EPHA10: variants seen among roughly 807,000 people sequenced by gnomAD.
EPHA10 encodes ephrin type-A receptor 10.
EPHA10 carries 120 observed loss-of-function variants against 109.7 expected under a neutral mutation model. The ratio of observed to expected loss-of-function variants is 1.09; its 90% CI spans 0.94 to 1.27. The LOEUF (loss-of-function observed/expected upper bound fraction) is 1.27, where lower values mean the gene tolerates loss of function less well. Ranked by LOEUF, EPHA10 falls within the 50% of genes most tolerant of loss-of-function variation. EPHA10 has a pLI of 0.00. For missense variants in EPHA10, 1,396 were observed against 1,411.1 expected, an observed-to-expected ratio of 0.99 and a Z score of 0.17; for synonymous variants, 640 against 618.9, an observed-to-expected ratio of 1.03 and a Z score of -0.51.
rs140874266 is a variant in EPHA10, at chr1:37,764,436, C to T, written c.106+525G>A. 6.6e-6 allele frequency among the ~76,000 whole-genome samples: 1 copy of T among 152,362 alleles called. No individual in the cohort carries two copies. Among genetic ancestry groups the T allele is most frequent in the African/African-American group, 2.4e-5 (1 of 41,596 alleles). ...CTCAAACCCGGCAACGCGGAGCGCG[C>T]CCGGCAGACTACGCTCAGAATTCAG... On this transcript the variant is annotated intron_variant, in intron 1 of 16. Coordinates refer to ENST00000373048, the MANE Select transcript of EPHA10 (RefSeq NM_001099439.2). The surrounding 1 kb of genome is among the most constrained non-coding windows in gnomAD (Gnocchi z 5.8).
chr1:37,743,794 T>C (rs1050150066), intron 5 of EPHA10, among the ~76,000 whole-genome samples: 1 of 152,194 alleles, frequency 6.6e-6, no homozygotes, highest in African/African-American at 2.4e-5. Flanking sequence ...GCAGGCTAGG[T>C]GCATTAAATG....
In EPHA10 at chr1:37,718,291, A is replaced by G; in HGVS notation, c.*81T>C. ...AGAGCGCTCCCTCCCACACTGCTGG[A>G]GCGCAGCTTGCCACGGTCCTTGGGC... is the stretch of plus-strand genomic sequence containing the variant. On this transcript the variant is annotated 3_prime_UTR_variant, in exon 17 of 17. Coordinates refer to ENST00000373048, the MANE Select transcript of EPHA10 (RefSeq NM_001099439.2). The G allele has an allele frequency of 8.2e-7, 1 of 1,223,820 alleles. No individual in the cohort carries two copies. Among genetic ancestry groups the G allele is most frequent in the Non-Finnish European group, 1.2e-6 (1 of 861,550 alleles). 75.8% of individuals were successfully genotyped at this position (1,223,820 alleles called of 1,614,324 possible).
intron 6 of EPHA10, among the ~76,000 whole-genome samples, chr1:37,733,601 C>T (rs1262557140): frequency 1.3e-5 from 2 of 152,146 alleles, no homozygotes; most frequent in Non-Finnish European, 2.9e-5. Flanking sequence ...TGTCTATACC[C>T]TGATCCTCAA....
intron 3 of EPHA10, chr1:37,760,315 A>G (rs1168933270): frequency 9.6e-7 from 1 of 1,042,774 alleles, no homozygotes. Context: ...AAGTACACAC[A>G]TTAATAACCC....
intron 5 of EPHA10, among the ~76,000 whole-genome samples, chr1:37,743,254 G>A (rs969375507): frequency 6.6e-6 from 1 of 152,046 alleles, no homozygotes; most frequent in Admixed American, 6.6e-5. Flanking sequence ...ATCTTGAAAA[G>A]TGATTTAATA....
intron 15 of EPHA10, 145 bp downstream of exon 15, chr1:37,719,269 G>T: frequency 1.1e-6 from 1 of 942,206 alleles, no homozygotes; most frequent in Non-Finnish European, 1.6e-6. Flanking sequence ...TGGGCAGGCA[G>T]GCAGGCTACA....
rs374674874 is a variant in EPHA10 at position 37,749,604 on chromosome 1, C to T, written c.1357+3272G>A. On this transcript the variant is annotated intron_variant, in intron 5 of 16. Coordinates refer to ENST00000373048, the MANE Select transcript of EPHA10 (RefSeq NM_001099439.2). The stretch of plus-strand genomic sequence containing the variant: ...AGGAGAGTCGCTTCAACCCAGGAGG[C>T]GGAGGTTGCAGTGAGCCAAGACTGA... Among the ~76,000 whole-genome samples the T allele has an allele frequency of 2.7e-4, 41 of 150,804 alleles. No individual in the cohort carries two copies. The East Asian group carries it at 6.3e-3, about 23-fold the overall frequency.
At chr1:37,727,284 C>G in intron 7 of EPHA10, 74 bp from the exon 8 acceptor site, 1 of 1,222,094 alleles carries the variant, frequency 8.2e-7, no homozygotes, top group Non-Finnish European at 1.1e-6. Context: ...AGACTCCTGT[C>G]CTCACCCTGT....
chr1:37,731,754 C>T (rs1645987592), intron 6 of EPHA10, among the ~76,000 whole-genome samples, 172 bp from the exon 7 acceptor site: 1 of 152,170 alleles, frequency 6.6e-6, no homozygotes, highest in Admixed American at 6.5e-5. Context: ...TTCCTTGGAT[C>T]CTTAGCCCCT....
In EPHA10 at chr1:37,761,672, C is replaced by CGTG. The variant is rs765936823; in HGVS notation, c.582_583insCAC (p.Asp194_Val195insHis). Reference sequence around the variant, plus strand: ...GAGACAAGCGCCACGCATGCGCCCACGTCCTGAAAGGCCAGGTGGAAACCC... The same window carrying CGTG: ...GAGACAAGCGCCACGCATGCGCCCACGTGGTCCTGAAAGGCCAGGTGGAAACCC... On this transcript the variant is annotated inframe_insertion, in exon 3 of 17. Transcript: ENST00000373048. The CGTG allele has an allele frequency of 1.2e-6, 2 of 1,610,956 alleles. No homozygotes were observed. The highest frequency in any genetic ancestry group is 1.7e-6 in the Non-Finnish European group (2 of 1,179,876).
chr1:37,761,426 C>T lies in EPHA10; in HGVS notation c.829G>A (p.Glu277Lys). Residue 277 changes from glutamate to lysine, a missense_variant, in exon 3 of 17, where the codon GAG (glutamate) becomes AAG (lysine). Physicochemically the swap from Glu to Lys is moderately conservative, Grantham distance 56 (BLOSUM62 1). Transcript: ENST00000373048. ...ATACCTTCGCAGAAGTCACCACGCT[C>T]CTGGAATCCCGCGCTGCAGCTGCAG... ...GRCSCSAGFQ[E>K]RGDFCEACPP... is the part of the protein sequence containing the mutation. 2.2e-5 allele frequency: 35 copies of T among 1,599,578 alleles called. No homozygotes were observed. Among genetic ancestry groups the T allele is most frequent in the Non-Finnish European group, 3.0e-5 (35 of 1,179,804 alleles).
chr1:37,745,499 T>C (rs930186210), intron 5 of EPHA10, among the ~76,000 whole-genome samples: 2 of 152,170 alleles, frequency 1.3e-5, no homozygotes, highest in African/African-American at 4.8e-5. Flanking sequence ...AAAGTTATTA[T>C]ATGTATTAGT....
chr1:37,753,062 G>T lies in EPHA10; in HGVS notation c.1171C>A (p.Pro391Thr). 1 of 1,271,676 alleles carries T rather than the reference G, an allele frequency of 7.9e-7. No homozygotes were observed. Among genetic ancestry groups the T allele is most frequent in the South Asian group, 2.4e-5 (1 of 42,016 alleles). 78.8% of individuals were successfully genotyped at this position (1,271,676 alleles called of 1,614,324 possible). A position where few individuals can be genotyped will look rare whatever the true frequency, so the allele number is the denominator to read the frequency against. Residue 391 changes from proline (P) to threonine (T), a missense_variant, in exon 5 of 17, where the codon CCG becomes ACG. Coordinates refer to ENST00000373048, the MANE Select transcript of EPHA10 (RefSeq NM_001099439.2). ...GREGPAGACE[P>T]CGPRVAFLPR... ...AGGAAGGCCACGCGCGGCCCGCACGGCTCGCAGGCGCCCGCCGGGCCCTCG... is the reference window on the plus strand; with the variant it reads ...AGGAAGGCCACGCGCGGCCCGCACGTCTCGCAGGCGCCCGCCGGGCCCTCG...
chr1:37,722,174 A>G, intron 10 of EPHA10: 1 of 248,786 alleles, frequency 4.0e-6, no homozygotes. Flanking sequence ...TCCAGCTTAA[A>G]TCCTGGTAAA....
chr1:37,751,604 T>G (rs1246606722), intron 5 of EPHA10, among the ~76,000 whole-genome samples: 2 of 148,768 alleles, frequency 1.3e-5, no homozygotes, highest in Non-Finnish European at 3.0e-5. Context: ...AGGCGCGCAG[T>G]GGCTCACGTC....
At chr1:37,718,510 C>A in intron 16 of EPHA10, 24 bp from the exon 17 acceptor site, 1 of 1,612,800 alleles carries the variant, frequency 6.2e-7, no homozygotes, top group Non-Finnish European at 8.5e-7. Context: ...TGGTCACACT[C>A]GGCTGGCTTG....
At chr1:37,725,531 G>A (rs1173727036) in intron 8 of EPHA10, among the ~76,000 whole-genome samples, 23 of 109,782 alleles carry the variant, frequency 2.1e-4, no homozygotes, top group Non-Finnish European at 2.3e-4. Context: ...AAAAAAAAAA[G>A]AAGTAACGAG....
rs902752136 is a variant in EPHA10, at chr1:37,718,075, C to G, written c.*297G>C. ...CTCAACCCACTGTCTTCCCTCCCAT[C>G]CCTGCCCCAGCTTTTCTCTGAGACC... is the stretch of plus-strand genomic sequence containing the variant. On this transcript the variant is annotated 3_prime_UTR_variant, in exon 17 of 17. Coordinates refer to ENST00000373048, the MANE Select transcript of EPHA10 (RefSeq NM_001099439.2). The G allele has an allele frequency of 1.6e-5, 7 of 435,536 alleles. No homozygotes were observed. The highest frequency in any genetic ancestry group is 2.9e-5 in the Non-Finnish European group (7 of 245,322). 27.0% of individuals were successfully genotyped at this position (435,536 alleles called of 1,614,324 possible). A position where few individuals can be genotyped will look rare whatever the true frequency, so the allele number is the denominator to read the frequency against.
At chr1:37,737,932 C>CTTTTTTTTT (rs59082119) in intron 5 of EPHA10, 8 of 61,458 alleles carry the variant, frequency 1.3e-4, no homozygotes, top group Non-Finnish European at 2.4e-4. Context: ...TAACTGTAGG[C>CTTTTTTTTT]TTTTTTTTTT....
Sources: allele counts gnomAD v4.1 joint callset (sites outside exome capture counted in the v4.1 genomes callset), GRCh38; gene constraint gnomAD v4.1.1; non-coding constraint Gnocchi (gnomAD v3.1); transcripts MANE v1.5; gene names NCBI Gene and HGNC (gene_info 2026-07-23, HGNC 2026-07-21).